Variants in DCLK2 observed in about 807,000 individuals in gnomAD.
DCLK2 encodes the protein serine/threonine-protein kinase DCLK2.
Under a neutral mutation model 78.4 loss-of-function variants are expected in DCLK2, and 31 were observed. The ratio of observed to expected loss-of-function variants is 0.40; its 90% CI spans 0.30 to 0.53. DCLK2 has a LOEUF of 0.53. Ranked by LOEUF, DCLK2 falls within the 20% of genes least tolerant of loss-of-function variation. DCLK2 has a pLI of 0.61. For synonymous variants in DCLK2, 407 were observed against 374.9 expected, an observed-to-expected ratio of 1.09 and a Z score of -0.99; for missense variants, 872 against 973.7, an observed-to-expected ratio of 0.90 and a Z score of 1.39.
At chr4:150,189,084 A>C (rs1389988460) in intron 2 of DCLK2, among the ~76,000 whole-genome samples, 1 of 152,176 alleles carries the variant, frequency 6.6e-6, no homozygotes, top group African/African-American at 2.4e-5. Context: ...ATTTCCTTGT[A>C]ATAAAATCAA....
chr4:150,233,205 G>C (rs1442363440), intron 10 of DCLK2, among the ~76,000 whole-genome samples: 8 of 152,164 alleles, frequency 5.3e-5, no homozygotes, highest in Admixed American at 5.2e-4. Context: ...AGGAGAGAAA[G>C]AGAGCGAGGA....
intron 12 of DCLK2, among the ~76,000 whole-genome samples, chr4:150,245,533 ACAGGCCCCGG>A (rs1743239810): frequency 6.6e-6 from 1 of 151,940 alleles, no homozygotes; most frequent in Non-Finnish European, 1.5e-5. Context: ...CTACCCCATG[ACAGGCCCCGG>A]TGTGTGATGT....
chr4:150,133,571 A>G (rs1733481020), intron 2 of DCLK2, among the ~76,000 whole-genome samples: 1 of 152,262 alleles, frequency 6.6e-6, no homozygotes, highest in African/African-American at 2.4e-5. Context: ...ACATTCATAT[A>G]TAATAAACCA....
Position 150,249,872 on chromosome 4 carries a change from C to T in DCLK2, c.2073+188C>T, listed in dbSNP as rs116099192. ...AGGCTTTGGGCACTGTGTGGAGGGG[C>T]TTGTGTAGGGACCAGCAGGCCTGGT... On this transcript the variant is annotated intron_variant, in intron 15 of 15. Transcript: ENST00000296550. 6.8e-3 allele frequency among the ~76,000 whole-genome samples: 1,034 copies of T among 152,250 alleles called. 7 individuals carry two copies. The highest frequency in any genetic ancestry group is 0.024 in the African/African-American group (984 of 41,540).
intron 2 of DCLK2, among the ~76,000 whole-genome samples, chr4:150,139,148 T>A (rs1442608344): frequency 6.6e-6 from 1 of 152,130 alleles, no homozygotes; most frequent in Non-Finnish European, 1.5e-5. Flanking sequence ...TTTACAGACC[T>A]GGGCCACCAT....
At chr4:150,103,719 C>A (rs1041713318) in intron 2 of DCLK2, among the ~76,000 whole-genome samples, 1 of 152,150 alleles carries the variant, frequency 6.6e-6, no homozygotes, top group East Asian at 1.9e-4. Flanking sequence ...TTGGGAAAAA[C>A]ACAATCAAAT....
intron 5 of DCLK2, among the ~76,000 whole-genome samples, chr4:150,220,424 A>G (rs1317593429): frequency 1.3e-5 from 2 of 152,200 alleles, no homozygotes; most frequent in African/African-American, 4.8e-5. Context: ...CTATCATGCC[A>G]TAGAGTCTTT....
Position 150,232,320 on chromosome 4 carries a change from T to A in DCLK2, c.1300-17T>A. ...TCTGTGATTTCTGATCTCCTCTCTA[T>A]ACCGTTCATTTGACAGGAACACCTG... is the stretch of plus-strand genomic sequence containing the variant. On this transcript the variant is annotated splice_polypyrimidine_tract_variant and intron_variant, in intron 8 of 15. Coordinates refer to ENST00000296550, the MANE Select transcript of DCLK2 (RefSeq NM_001040260.4). 6.2e-7 allele frequency: 1 copy of A among 1,613,126 alleles called. No individual in the cohort carries two copies. Among genetic ancestry groups the A allele is most frequent in the Non-Finnish European group, 8.5e-7 (1 of 1,179,572 alleles).
At chr4:150,244,582 G>T (rs550331926) in intron 12 of DCLK2, among the ~76,000 whole-genome samples, 2 of 152,136 alleles carry the variant, frequency 1.3e-5, no homozygotes, top group Non-Finnish European at 2.9e-5. Context: ...ACGGCACCTT[G>T]GTCCAAAGGC....
At chr4:150,087,080 A>G (rs1230476287) in intron 1 of DCLK2, among the ~76,000 whole-genome samples, 3 of 152,208 alleles carry the variant, frequency 2.0e-5, no homozygotes, top group Non-Finnish European at 4.4e-5. Flanking sequence ...TTATAATTCA[A>G]TCCTAATCCC....
At chr4:150,203,987 A>T in intron 5 of DCLK2, 98 bp downstream of exon 5, 1 of 1,127,858 alleles carries the variant, frequency 8.9e-7, no homozygotes. Flanking sequence ...TACAGTAGCA[A>T]ATTAAAAAGA....
chr4:150,134,097 T>TTTTTG (rs1216772384), intron 2 of DCLK2, among the ~76,000 whole-genome samples: 2 of 148,570 alleles, frequency 1.3e-5, no homozygotes, highest in African/African-American at 5.0e-5. Flanking sequence ...TTTTTTTTTT[T>TTTTTG]TGAGACGGAG....
intron 2 of DCLK2, among the ~76,000 whole-genome samples, chr4:150,110,807 A>G (rs1731633245): frequency 6.6e-6 from 1 of 152,058 alleles, no homozygotes; most frequent in Non-Finnish European, 1.5e-5. Context: ...GCTGCAGAAG[A>G]TATTATTTCA....
chr4:150,107,463 A>G (rs1405737248), intron 2 of DCLK2, among the ~76,000 whole-genome samples: 2 of 142,388 alleles, frequency 1.4e-5, no homozygotes, highest in Non-Finnish European at 3.0e-5. Flanking sequence ...TGCAGCTTTG[A>G]CCTCCTGGGC....
rs542928844 is a variant in DCLK2, at chr4:150,240,585, A to C, written c.1778+109A>C. 174 of 391,084 alleles carry C rather than the reference A, an allele frequency of 4.4e-4. 2 individuals are homozygous for C. The highest frequency in any genetic ancestry group is 4.3e-5 in the Non-Finnish European group (10 of 232,952). The allele number at this position is 391,084 out of a possible 1,614,324, so 24.2% of individuals were successfully genotyped here. Reference sequence around the variant, plus strand: ...GGACTGTTTGGTCATTAAAAATGCCAGTTAAAAATTACATAAAACGGGGGG... The same window carrying C: ...GGACTGTTTGGTCATTAAAAATGCCCGTTAAAAATTACATAAAACGGGGGG... On this transcript the variant is annotated intron_variant, in intron 12 of 15. Transcript: ENST00000296550.
chr4:150,160,449 C>T (rs1246947243), intron 2 of DCLK2, among the ~76,000 whole-genome samples: 1 of 152,114 alleles, frequency 6.6e-6, no homozygotes, highest in Non-Finnish European at 1.5e-5. Flanking sequence ...CAGGAGGTCC[C>T]AAGGATGCCA....
intron 10 of DCLK2, among the ~76,000 whole-genome samples, chr4:150,236,898 C>G (rs1742551739): frequency 6.6e-6 from 1 of 152,124 alleles, no homozygotes; most frequent in South Asian, 2.1e-4. Context: ...CAGTCCCTTT[C>G]TATATATGCT....
intron 2 of DCLK2, among the ~76,000 whole-genome samples, chr4:150,163,259 G>A (rs369636155): frequency 1.2e-4 from 18 of 152,202 alleles, no homozygotes; most frequent in African/African-American, 3.6e-4. Flanking sequence ...TTCACTGGGC[G>A]TGGTGGCAGG....
intron 2 of DCLK2, among the ~76,000 whole-genome samples, chr4:150,168,529 A>G (rs1173596648): frequency 6.6e-6 from 1 of 152,094 alleles, no homozygotes; most frequent in African/African-American, 2.4e-5. Context: ...CCCTTAGTTG[A>G]ATTCTTTCTT....
Sources: allele counts gnomAD v4.1 joint callset (sites outside exome capture counted in the v4.1 genomes callset), GRCh38; gene constraint gnomAD v4.1.1; transcripts MANE v1.5; gene names NCBI Gene and HGNC (gene_info 2026-07-23, HGNC 2026-07-21).